KIAA0232: variants seen among roughly 807,000 people sequenced by gnomAD.
KIAA0232 encodes uncharacterized protein KIAA0232.
In KIAA0232, 27 loss-of-function variants were observed where a neutral mutation model predicts 122.0. The observed-to-expected ratio is 0.22, with a 90% CI of 0.16 to 0.31. The LOEUF is 0.31. Among genes scored for constraint, KIAA0232 ranks in the 10% least tolerant of loss-of-function variants. The pLI, the probability that KIAA0232 is intolerant of heterozygous loss-of-function variation, is 1.00. For missense variants in KIAA0232, 1,551 were observed against 1,634.2 expected (o/e 0.95, Z 0.88); for synonymous variants, 613 against 587.6 (o/e 1.04, Z -0.63).
At chr4:6,835,615 C>T (rs1356574678) in intron 3 of KIAA0232, among the ~76,000 whole-genome samples, 1 of 152,178 alleles carries the variant, frequency 6.6e-6, no homozygotes, top group African/African-American at 2.4e-5. Context: ...TATCCCTCCC[C>T]CAGCTCCCCG....
chr4:6,852,226 C>CA lies in KIAA0232; in HGVS notation c.370-4937dup, dbSNP rs561531377. ...GTTCAAGGATAGGAATCACAGCTCT[C>CA]ATACAGGGGCCTTGGCAGAAACAGC... On this transcript the variant is annotated intron_variant, in intron 4 of 9. Coordinates refer to ENST00000307659, the MANE Select transcript of KIAA0232 (RefSeq NM_014743.3). 2.6e-3 allele frequency among the ~76,000 whole-genome samples: 402 copies of CA among 152,206 alleles called. 2 individuals are homozygous for CA. Among genetic ancestry groups the CA allele is most frequent in the African/African-American group, 9.1e-3 (378 of 41,530 alleles).
At position 6,863,992 on chromosome 4, in the gene KIAA0232, G is replaced by A. The variant is rs759499449; in HGVS notation, c.3610G>A (p.Val1204Ile). 1 of 1,614,146 alleles carries A rather than the reference G, an allele frequency of 6.2e-7. No individual in the cohort carries two copies. Among genetic ancestry groups the A allele is most frequent in the East Asian group, 2.2e-5 (1 of 44,880 alleles). ...GGAGGAATCAACTGGGATTCTTTCAGTAGGAAAGCAAAATCAGTGTTTGGA... is the reference window on the plus strand; with the variant it reads ...GGAGGAATCAACTGGGATTCTTTCAATAGGAAAGCAAAATCAGTGTTTGGA... ...SQEESTGILS[V>I]GKQNQCLECS... Residue 1204 changes from valine (V) to isoleucine (I), a missense_variant, in exon 7 of 10, where the codon GTA (valine) becomes ATA (isoleucine). By Grantham distance (29) the Val-to-Ile change is conservative. This residue lies in a region of KIAA0232 where 1,108 missense variants were observed against 1,154.8 expected (regional missense o/e 0.96). Transcript: ENST00000307659.
At chr4:6,795,956 G>A (rs553169851) in intron 1 of KIAA0232, among the ~76,000 whole-genome samples, 4 of 152,236 alleles carry the variant, frequency 2.6e-5, no homozygotes, top group Admixed American at 1.3e-4. Flanking sequence ...TGGAGGAAGC[G>A]AATGGAAATA....
intron 3 of KIAA0232, among the ~76,000 whole-genome samples, chr4:6,828,599 G>C (rs1718814267): frequency 6.6e-6 from 1 of 152,090 alleles, no homozygotes; most frequent in Non-Finnish European, 1.5e-5. Context: ...TGAGTTACCT[G>C]TCTCCTTAAA....
intron 3 of KIAA0232, among the ~76,000 whole-genome samples, chr4:6,829,612 G>A (rs1029790393): frequency 2.6e-5 from 4 of 152,220 alleles, no homozygotes; most frequent in Admixed American, 2.6e-4. Context: ...TCGAAAGTAA[G>A]TATTAAGCTC....
intron 4 of KIAA0232, among the ~76,000 whole-genome samples, chr4:6,851,894 C>T (rs1720305975): frequency 6.6e-6 from 1 of 152,136 alleles, no homozygotes; most frequent in Non-Finnish European, 1.5e-5. Flanking sequence ...CACAGCACAG[C>T]AGGTCTCGTA....
At chr4:6,819,229 A>G (rs756672563) in intron 2 of KIAA0232, among the ~76,000 whole-genome samples, 1 of 152,208 alleles carries the variant, frequency 6.6e-6, no homozygotes, top group Non-Finnish European at 1.5e-5. Flanking sequence ...AATGAGATCT[A>G]ATTAAGCCAA....
intron 4 of KIAA0232, among the ~76,000 whole-genome samples, chr4:6,850,823 C>T (rs919295432): frequency 6.6e-6 from 1 of 152,138 alleles, no homozygotes; most frequent in African/African-American, 2.4e-5. Context: ...GCACATGCCA[C>T]CACGCCCAGC....
At position 6,855,994 on chromosome 4, in the gene KIAA0232, C is replaced by T. The variant is rs757787886; in HGVS notation, c.370-1170C>T. Reference sequence around the variant, plus strand: ...TTAAGAGTGTTTTTAAAGGAAAGGGCAACTCTTGTCTGGCCTATTTTTCTA... The same window carrying T: ...TTAAGAGTGTTTTTAAAGGAAAGGGTAACTCTTGTCTGGCCTATTTTTCTA... On this transcript the variant is annotated intron_variant, in intron 4 of 9. Transcript: ENST00000307659. The surrounding 1 kb of genome is among the most constrained non-coding windows in gnomAD (Gnocchi z 4.3). 5 of 295,604 alleles carry T rather than the reference C, an allele frequency of 1.7e-5. No individual in the cohort carries two copies. Among genetic ancestry groups the T allele is most frequent in the Non-Finnish European group, 2.5e-5 (5 of 199,362 alleles). 18.3% of individuals were successfully genotyped at this position (295,604 alleles called of 1,614,324 possible). A position where few individuals can be genotyped will look rare whatever the true frequency, so the allele number is the denominator to read the frequency against.
intron 4 of KIAA0232, among the ~76,000 whole-genome samples, chr4:6,850,967 C>T (rs1174234534): frequency 1.3e-5 from 2 of 152,076 alleles, no homozygotes; most frequent in East Asian, 1.9e-4. Context: ...CATGCTCGGC[C>T]GAAAGGAACA....
intron 4 of KIAA0232, among the ~76,000 whole-genome samples, chr4:6,856,677 TA>T (rs1266805534): frequency 1.6e-5 from 1 of 64,108 alleles, no homozygotes; most frequent in Non-Finnish European, 4.2e-5. Flanking sequence ...CATGTTTCTT[TA>T]AAACAGAAAA....
chr4:6,830,546 A>G (rs7658661), intron 3 of KIAA0232, among the ~76,000 whole-genome samples: 124,951 of 151,488 alleles, frequency 0.82, 51,810 homozygotes, highest in African/African-American at 0.85. Flanking sequence ...TAGCTAGATT[A>G]CAGGCGTGCA....
chr4:6,843,808 C>T (rs1282197101), intron 4 of KIAA0232, among the ~76,000 whole-genome samples: 7 of 151,962 alleles, frequency 4.6e-5, no homozygotes, highest in Admixed American at 3.9e-4. Flanking sequence ...AAGCCTGACT[C>T]CCCTGGCCAT....
At chr4:6,801,710 G>C (rs1299841758) in intron 1 of KIAA0232, among the ~76,000 whole-genome samples, 1 of 152,074 alleles carries the variant, frequency 6.6e-6, no homozygotes, top group African/African-American at 2.4e-5. Context: ...CTATTAAGTG[G>C]CTTACAGTGC....
At chr4:6,847,980 C>T (rs1268590476) in intron 4 of KIAA0232, among the ~76,000 whole-genome samples, 1 of 152,048 alleles carries the variant, frequency 6.6e-6, no homozygotes, top group East Asian at 1.9e-4. Flanking sequence ...TTAATGAGGC[C>T]CTGTTTGAGG....
chr4:6,788,744 A>G (rs907943346), intron 1 of KIAA0232, among the ~76,000 whole-genome samples: 5 of 152,252 alleles, frequency 3.3e-5, no homozygotes, highest in Non-Finnish European at 7.3e-5. Context: ...TAGAGTTGGA[A>G]TAACTTTGTA....
At chr4:6,848,897 G>A (rs1720119868) in intron 4 of KIAA0232, among the ~76,000 whole-genome samples, 1 of 152,250 alleles carries the variant, frequency 6.6e-6, no homozygotes, top group African/African-American at 2.4e-5. Flanking sequence ...CAGTTGTTGT[G>A]TGATCACAGC....
At chr4:6,857,139 A>G (rs753176756) in intron 4 of KIAA0232, 25 bp from the exon 5 acceptor site, 4 of 1,571,184 alleles carry the variant, frequency 2.5e-6, no homozygotes, top group African/African-American at 1.4e-5. Flanking sequence ...GCTGTAACCT[A>G]ATGTGTCTTT....
chr4:6,786,782 A>T (rs1716639517), intron 1 of KIAA0232, among the ~76,000 whole-genome samples: 1 of 152,208 alleles, frequency 6.6e-6, no homozygotes, highest in South Asian at 2.1e-4. Flanking sequence ...TCCCATTTGT[A>T]TCTAAACTTG....
Sources: gnomAD v4.1 joint callset for allele counts (sites outside exome capture counted in the v4.1 genomes callset) on GRCh38, gnomAD v4.1.1 for gene constraint, gnomAD v4.1.1 regional missense constraint, Gnocchi (gnomAD v3.1) non-coding constraint, MANE v1.5 for transcripts, NCBI Gene and HGNC (gene_info 2026-07-23, HGNC 2026-07-21) for gene names.